AGBL1: variants seen among roughly 807,000 people sequenced by gnomAD.
AGBL1 encodes the protein cytosolic carboxypeptidase 4.
Under a neutral mutation model 118.9 loss-of-function variants are expected in AGBL1, and 130 were observed. The observed-to-expected ratio is 1.09, with a 90% CI of 0.95 to 1.26. The LOEUF (loss-of-function observed/expected upper bound fraction) is 1.26, where lower values mean the gene tolerates loss of function less well. AGBL1 is among the 50% of genes most tolerant of loss of function. The pLI is 0.00. For synonymous variants in AGBL1, 555 were observed against 478.9 expected (o/e 1.16, Z -2.08); for missense variants, 1,584 against 1,298.1 (o/e 1.22, Z -3.38).
chr15:86,348,599 GA>G (rs1474466624), intron 17 of AGBL1, among the ~76,000 whole-genome samples: 2 of 152,110 alleles, frequency 1.3e-5, no homozygotes, highest in Non-Finnish European at 2.9e-5. Context: ...CCAACATGGT[GA>G]AACCCTGTCT....
intron 17 of AGBL1, among the ~76,000 whole-genome samples, chr15:86,304,427 C>T (rs1052899204): frequency 6.6e-6 from 1 of 152,206 alleles, no homozygotes; most frequent in Non-Finnish European, 1.5e-5. Context: ...TGTTCCCCTA[C>T]TCCGAATCTC....
downstream of AGBL1, among the ~76,000 whole-genome samples, chr15:86,917,258 G>A (rs1042476733): frequency 1.3e-5 from 2 of 152,164 alleles, no homozygotes; most frequent in African/African-American, 4.8e-5. This position sits in a 1 kb window ranked among gnomAD's most constrained non-coding sequence, Gnocchi z 4.8. Flanking sequence ...TTTGTTGGTT[G>A]TTCAGAGAGA....
At chr15:86,084,158 A>C (rs191376802) in intron 1 of AGBL1, among the ~76,000 whole-genome samples, 1 of 152,240 alleles carries the variant, frequency 6.6e-6, no homozygotes, top group African/African-American at 2.4e-5. Flanking sequence ...AAGAAATTAC[A>C]TCTGTCAGTG....
At chr15:86,227,183 C>G (rs184227703) in intron 6 of AGBL1, among the ~76,000 whole-genome samples, 2 of 152,348 alleles carry the variant, frequency 1.3e-5, no homozygotes, top group East Asian at 3.9e-4. Context: ...TGATTCTCAT[C>G]TCTATTTACC....
chr15:86,083,778 G>A (rs1176193505), intron 1 of AGBL1: 1 of 152,116 alleles, frequency 6.6e-6, no homozygotes, highest in African/African-American at 2.4e-5. Flanking sequence ...CATAGCACTT[G>A]GGACTTCTGC....
intron 18 of AGBL1, among the ~76,000 whole-genome samples, chr15:86,516,441 T>A (rs1171437222): frequency 6.6e-6 from 1 of 152,188 alleles, no homozygotes; most frequent in Non-Finnish European, 1.5e-5. Context: ...GGGCTGACTG[T>A]TTCACAGGGA....
chr15:86,431,482 G>A (rs2081935310), intron 18 of AGBL1, among the ~76,000 whole-genome samples: 1 of 152,202 alleles, frequency 6.6e-6, no homozygotes, highest in Admixed American at 6.5e-5. Flanking sequence ...GCAATTTGGA[G>A]TATCCCAACC....
intron 1 of AGBL1, among the ~76,000 whole-genome samples, chr15:86,094,690 T>C (rs953625569): frequency 6.6e-6 from 1 of 152,204 alleles, no homozygotes; most frequent in Non-Finnish European, 1.5e-5. Context: ...CCCTGCATCA[T>C]TGACCAGTCA....
chr15:86,505,715 C>T (rs2082968638), intron 18 of AGBL1, among the ~76,000 whole-genome samples: 1 of 151,658 alleles, frequency 6.6e-6, no homozygotes, highest in South Asian at 2.1e-4. Context: ...CTTTTTAGTT[C>T]CTTAAACATA....
intron 22 of AGBL1, among the ~76,000 whole-genome samples, chr15:86,811,638 A>G (rs2078791305): frequency 6.6e-6 from 1 of 152,184 alleles, no homozygotes; most frequent in African/African-American, 2.4e-5. Context: ...ATCATGGAAT[A>G]ATCTTAGTTT....
intron 17 of AGBL1, among the ~76,000 whole-genome samples, chr15:86,338,368 C>T (rs80212340): frequency 1.1e-4 from 16 of 152,064 alleles, no homozygotes; most frequent in Non-Finnish European, 1.8e-4. Flanking sequence ...TGAGAGGTGA[C>T]GAGGGCAGTT....
chr15:86,504,871 A>G (rs1400763607), intron 18 of AGBL1, among the ~76,000 whole-genome samples: 1 of 151,756 alleles, frequency 6.6e-6, no homozygotes, highest in Admixed American at 6.6e-5. Context: ...GATTTTTTAA[A>G]TGTGGATTCT....
At chr15:86,360,816 C>T (rs2080794991) in intron 17 of AGBL1, among the ~76,000 whole-genome samples, 1 of 151,734 alleles carries the variant, frequency 6.6e-6, no homozygotes, top group Non-Finnish European at 1.5e-5. Flanking sequence ...ATACAATTGC[C>T]CATAATAGTC....
At chr15:86,238,262 C>T (rs548522835) in intron 6 of AGBL1, among the ~76,000 whole-genome samples, 3 of 152,306 alleles carry the variant, frequency 2.0e-5, no homozygotes, top group South Asian at 4.1e-4. Context: ...AGAGGTGAGG[C>T]TTTCTCTATT....
chr15:86,113,453 C>G (rs1308610456), intron 1 of AGBL1, among the ~76,000 whole-genome samples: 1 of 151,300 alleles, frequency 6.6e-6, no homozygotes, highest in East Asian at 1.9e-4. Context: ...ATGCCCGGCT[C>G]TTTTGTATTT....
At chr15:86,575,768 A>G (rs971421069) in intron 21 of AGBL1, among the ~76,000 whole-genome samples, 3 of 151,810 alleles carry the variant, frequency 2.0e-5, no homozygotes, top group Non-Finnish European at 4.4e-5. Context: ...TTATTGAAAA[A>G]AAAATTTCTA....
At chr15:86,664,868 T>C (rs989333872) in intron 21 of AGBL1, among the ~76,000 whole-genome samples, 1 of 152,020 alleles carries the variant, frequency 6.6e-6, no homozygotes, top group African/African-American at 2.4e-5. Context: ...AATATCTTAA[T>C]TCAGATACAC....
intron 17 of AGBL1, among the ~76,000 whole-genome samples, chr15:86,338,655 A>T (rs2080412381): frequency 6.6e-6 from 1 of 152,106 alleles, no homozygotes; most frequent in African/African-American, 2.4e-5. Flanking sequence ...AGATTTTGCT[A>T]TTGGATTGGA....
chr15:86,220,436 T>G (rs1349095569), intron 5 of AGBL1, among the ~76,000 whole-genome samples: 1 of 152,214 alleles, frequency 6.6e-6, no homozygotes, highest in East Asian at 1.9e-4. Context: ...AGGTGCTCCC[T>G]AAATAGGGGT....
Sources: allele counts gnomAD v4.1 joint callset (sites outside exome capture counted in the v4.1 genomes callset), GRCh38; gene constraint gnomAD v4.1.1; non-coding constraint Gnocchi (gnomAD v3.1); transcripts MANE v1.5; gene names NCBI Gene and HGNC (gene_info 2026-07-23, HGNC 2026-07-21).